The following HELZ2 variants were observed in gnomAD, a reference collection of about 807,000 sequenced individuals.
The protein encoded by HELZ2 is 3'-5' exoribonuclease HELZ2.
A neutral mutation model predicts 208.8 loss-of-function variants in HELZ2; 143 were observed. That is an observed-to-expected ratio of 0.68 (90% CI 0.60 to 0.79). The LOEUF (loss-of-function observed/expected upper bound fraction) is 0.79, where lower values mean the gene tolerates loss of function less well. HELZ2 is among the 30% of genes least tolerant of loss of function. HELZ2 has a pLI of 0.00. For synonymous variants in HELZ2, 1,705 were observed against 1,693.7 expected (o/e 1.01, Z -0.16); for missense variants, 3,690 against 3,794.5 (o/e 0.97, Z 0.72).
exon 8 of HELZ2, chr20:63,564,889 C>G: frequency 6.2e-7 from 1 of 1,612,302 alleles, no homozygotes; most frequent in Non-Finnish European, 8.5e-7. Flanking sequence ...TGGCCTGGTC[C>G]GACGGGGGCA....
At position 63,568,471 on chromosome 20, in the gene HELZ2, C is replaced by CG. The variant is rs2082985558; in HGVS notation, c.1616dup (p.Leu540AlafsTer27). 1 of 1,593,008 alleles carries CG rather than the reference C, an allele frequency of 6.3e-7. No individual in the cohort carries two copies. The highest frequency in any genetic ancestry group is 8.5e-7 in the Non-Finnish European group (1 of 1,171,596). On this transcript the variant is annotated frameshift_variant, in exon 5 of 19. Coordinates refer to ENST00000467148, the Ensembl canonical transcript of HELZ2. LOFTEE classifies it high-confidence loss of function. ...TGCCAAAGGGGCCATAGATGAGTAG[C>CG]GGGGGGACACGCCTCCCATCCCCAG...
chr20:63,562,824 C>T (rs758534309), exon 8 of HELZ2: 254 of 1,610,342 alleles, frequency 1.6e-4, no homozygotes, highest in Non-Finnish European at 2.0e-4. Flanking sequence ...AAGTTGATGT[C>T]GGCACAGTTC....
chr20:63,569,062 GC>G (rs2082992864), intron 4 of HELZ2, 63 bp from the exon 6 acceptor site: 2 of 1,589,042 alleles, frequency 1.3e-6, no homozygotes, highest in Non-Finnish European at 8.5e-7. Context: ...CCAAGTCCAC[GC>G]CCCCATCCGC....
At chr20:63,564,593 C>T (rs748378461) in exon 8 of HELZ2, 2 of 1,566,644 alleles carry the variant, frequency 1.3e-6, no homozygotes, top group Admixed American at 1.9e-5. Flanking sequence ...CTGGCAGAGG[C>T]TGGCCGGCAG....
In HELZ2 at chr20:63,570,886, C is replaced by A; in HGVS notation, c.279-18G>T. ...GGTCAGGCCTGGGGGACAGGGAGGT[C>A]AGCAGGGCTACACAGAGGCACAGCC... On this transcript the variant is annotated intron_variant, in intron 1 of 18. Transcript: ENST00000467148. 2 of 1,570,386 alleles carry A rather than the reference C, an allele frequency of 1.3e-6. No individual in the cohort carries two copies. Among genetic ancestry groups the A allele is most frequent in the South Asian group, 1.2e-5 (1 of 86,858 alleles).
Position 63,562,183 on chromosome 20 carries a change from C to G in HELZ2, c.6418G>C (p.Glu2140Gln), listed in dbSNP as rs769454086. ...CCGGGGATGTTGTAGGTCTGCCGCT[C>G]CAGGAACCTGCTGGGGATCACTGAG... The change falls in exon 10 of 19, where the codon GAG (glutamate) becomes CAG (glutamine). Residue 2140 changes from glutamate to glutamine, a missense_variant. Glu to Gln is a conservative substitution (Grantham distance 29). Transcript: ENST00000467148. 5.6e-6 allele frequency: 9 copies of G among 1,612,152 alleles called. No individual in the cohort carries two copies. In the South Asian group the frequency reaches 9.9e-5, roughly 18 times the overall value.
exon 5 of HELZ2, chr20:63,568,834 G>A (rs757664341): frequency 1.9e-6 from 3 of 1,612,320 alleles, no homozygotes; most frequent in South Asian, 2.2e-5. Flanking sequence ...GGGCCACCAG[G>A]GCTGTGCTGA....
exon 19 of HELZ2, chr20:63,559,334 C>G (rs146251333): frequency 6.2e-7 from 1 of 1,602,842 alleles, no homozygotes; most frequent in South Asian, 1.1e-5. Context: ...CAGGAGGCTA[C>G]GCCAGAGGGG....
At chr20:63,571,988 T>TG (rs1178245488) in intron 1 of HELZ2, 120 bp downstream of exon 2, 2 of 1,219,838 alleles carry the variant, frequency 1.6e-6, no homozygotes, top group East Asian at 5.1e-5. Context: ...TCCAAGCTCC[T>TG]GGGAGCCTCT....
upstream of HELZ2, chr20:63,572,508 A>T (rs1335907395): frequency 9.3e-7 from 1 of 1,073,516 alleles, no homozygotes; most frequent in East Asian, 2.7e-5. Flanking sequence ...ACCACCACAA[A>T]CTGTTGCTTG....
chr20:63,572,121 C>G (rs761975922), exon 1 of HELZ2: 1 of 1,609,658 alleles, frequency 6.2e-7, no homozygotes, highest in Non-Finnish European at 8.5e-7. Context: ...GGGCAGAGCT[C>G]GAACTTGGAG....
downstream of HELZ2, chr20:63,559,059 G>A (rs310628): frequency 0.64 from 390,390 of 610,314 alleles, 126,792 homozygotes; most frequent in Admixed American, 0.71. Context: ...TGCCCAGGAG[G>A]AGCAAGAGTG....
Position 63,570,616 on chromosome 20 carries a change from G to A in HELZ2, c.463-5C>T, listed in dbSNP as rs975264659. On this transcript the variant is annotated splice_polypyrimidine_tract_variant and splice_region_variant and intron_variant, in intron 2 of 18. Coordinates refer to ENST00000467148, the Ensembl canonical transcript of HELZ2. ...TCCATCAAGGGTCTCTGCCAGCTGC[G>A]TGGAAGTCTAGCCTTCAGCAAGAGG... The A allele has an allele frequency of 3.7e-6, 6 of 1,606,342 alleles. No homozygotes were observed. The highest frequency in any genetic ancestry group is 1.7e-4 in the Middle Eastern group (1 of 6,044).
In HELZ2 at chr20:63,563,847, C is replaced by T. The variant is rs763147564; in HGVS notation, c.4975G>A (p.Gly1659Ser). ...CAGTCCACCTGCAGCGAGTAGTGGC[C>T]GCCCTGCTGCTGGTGGCCCCGGGCG... Residue 1659 changes from glycine to serine, a missense_variant, in exon 8 of 19, where the codon GGC (glycine) becomes AGC (serine). By Grantham distance (56) the Gly-to-Ser change is moderately conservative. Around this residue, in one of 3 missense-constraint regions of HELZ2, gnomAD observed 2,564 missense variants for 2,580.5 expected, o/e 0.99. Coordinates refer to ENST00000467148, the Ensembl canonical transcript of HELZ2. 64 of 1,595,370 alleles carry T rather than the reference C, an allele frequency of 4.0e-5. 1 individual carries two copies. The Middle Eastern group carries it at 5.0e-4, about 12-fold the overall frequency.
At chr20:63,563,837 G>C (rs765531441) in exon 8 of HELZ2, 1 of 1,597,206 alleles carries the variant, frequency 6.3e-7, no homozygotes, top group South Asian at 1.1e-5. Context: ...CACCTGCAGC[G>C]AGTAGTGGCC....
At chr20:63,570,813 G>A in exon 2 of HELZ2, 1 of 1,610,598 alleles carries the variant, frequency 6.2e-7, no homozygotes, top group East Asian at 2.2e-5. Flanking sequence ...CACTCCTGCA[G>A]CTCCTGTGCT....
rs750842638 is a variant in HELZ2 at position 63,560,939 on chromosome 20, T to C, written c.7147-10A>G. Reference sequence around the variant, plus strand: ...CTCCGAGAAGAACCACCTGGAGGAATAGGCAGGCCTGGCCCTGACACCCCT... The same window carrying C: ...CTCCGAGAAGAACCACCTGGAGGAACAGGCAGGCCTGGCCCTGACACCCCT... On this transcript the variant is annotated splice_polypyrimidine_tract_variant and intron_variant, in intron 14 of 18. Coordinates refer to ENST00000467148, the Ensembl canonical transcript of HELZ2. 7 of 1,611,756 alleles carry C rather than the reference T, an allele frequency of 4.3e-6. No homozygotes were observed. The highest frequency in any genetic ancestry group is 5.9e-6 in the Non-Finnish European group (7 of 1,179,356).
Position 63,570,624 on chromosome 20 carries a change from C to G in HELZ2, c.463-13G>C, listed in dbSNP as rs111679523. 2 of 1,603,836 alleles carry G rather than the reference C, an allele frequency of 1.2e-6. No individual in the cohort carries two copies. The highest frequency in any genetic ancestry group is 1.3e-5 in the African/African-American group (1 of 74,860). On this transcript the variant is annotated splice_polypyrimidine_tract_variant and intron_variant, in intron 2 of 18. Transcript: ENST00000467148. Reference sequence around the variant, plus strand: ...GGGTCTCTGCCAGCTGCGTGGAAGTCTAGCCTTCAGCAAGAGGCCTGGACC... The same window carrying G: ...GGGTCTCTGCCAGCTGCGTGGAAGTGTAGCCTTCAGCAAGAGGCCTGGACC...
At chr20:63,564,490 G>A (rs776912224) in exon 8 of HELZ2, 2 of 1,587,928 alleles carry the variant, frequency 1.3e-6, no homozygotes, top group South Asian at 2.3e-5. Flanking sequence ...AGGGTGCAAA[G>A]CGCAGGCTCT....
Sources: gnomAD v4.1 joint callset for allele counts on GRCh38, gnomAD v4.1.1 for gene constraint, gnomAD v4.1.1 regional missense constraint, MANE v1.5 for transcripts, NCBI Gene and HGNC (gene_info 2026-07-23, HGNC 2026-07-21) for gene names.